Variants in IRS2 observed in about 807,000 individuals in gnomAD.
The protein encoded by IRS2 is insulin receptor substrate 2.
IRS2 carries 28 observed loss-of-function variants against 70.9 expected under a neutral mutation model. The ratio of observed to expected loss-of-function variants is 0.39; its 90% CI spans 0.29 to 0.54. The LOEUF is 0.54. IRS2 is among the 20% of genes least tolerant of loss of function. The pLI, the probability that IRS2 is intolerant of heterozygous loss-of-function variation, is 0.59. For missense variants in IRS2, 2,081 were observed against 2,024.1 expected, an observed-to-expected ratio of 1.03 and a Z score of -0.54; for synonymous variants, 1,217 against 981.9, an observed-to-expected ratio of 1.24 and a Z score of -4.48.
rs1447120781 is a variant in IRS2 at position 109,785,418 on chromosome 13, G to T, written c.636C>A (p.Asn212Lys). 1.2e-6 allele frequency: 2 copies of T among 1,612,266 alleles called. No homozygotes were observed. The highest frequency in any genetic ancestry group is 8.5e-7 in the Non-Finnish European group (1 of 1,179,862). Residue 212 changes from asparagine to lysine, a missense_variant, in exon 1 of 2, where the codon AAC (asparagine) becomes AAA (lysine). Physicochemically the swap from Asn to Lys is moderately conservative, Grantham distance 94. Coordinates refer to ENST00000375856, the MANE Select transcript of IRS2 (RefSeq NM_003749.3). The surrounding 1 kb of genome is among the most constrained non-coding windows in gnomAD (Gnocchi z 9.3). Reference sequence around the variant, plus strand: ...GGCACAGACGGTACACCCCCGTCAGGTTCTTGCTCTGGCCCAGACCCTTGG... The same window carrying T: ...GGCACAGACGGTACACCCCCGTCAGTTTCTTGCTCTGGCCCAGACCCTTGG... ...LKPKGLGQSK[N>K]LTGVYRLCLS...
chr13:109,783,798 G>A lies in IRS2; in HGVS notation c.2256C>T (p.Ser752=), dbSNP rs1298073679. ...GCAGCTTGCCATCTGCATGCTCCATGGACAGCTTGGAACCGCACCACATGC... is the reference window on the plus strand; with the variant it reads ...GCAGCTTGCCATCTGCATGCTCCATAGACAGCTTGGAACCGCACCACATGC... The part of the protein sequence containing the change: ...YMRMWCGSKL[S]MEHADGKLLP... Residue 752 remains serine (S), a synonymous_variant, in exon 1 of 2, where the codon TCC becomes TCT. Transcript: ENST00000375856. 5 of 1,596,806 alleles carry A rather than the reference G, an allele frequency of 3.1e-6. No individual in the cohort carries two copies. In the East Asian group the frequency reaches 6.8e-5, roughly 22 times the overall value.
At chr13:109,768,969 T>C (rs1877394631) in intron 1 of IRS2, among the ~76,000 whole-genome samples, 1 of 152,224 alleles carries the variant, frequency 6.6e-6, no homozygotes, top group South Asian at 2.1e-4. Flanking sequence ...TTTAAATGTC[T>C]TATGAATTAT....
chr13:109,782,086 A>G lies in IRS2; in HGVS notation c.3968T>C (p.Ile1323Thr). ...CTTCAAGTGGTGGGACAAGAAGTCA[A>G]TGCTGGCGTAGGTGTTGGCAGGGGG... is the stretch of plus-strand genomic sequence containing the variant. ...ALPPANTYAS[I>T]DFLSHHLKEA... is the part of the protein sequence containing the mutation. Residue 1323 changes from isoleucine to threonine, a missense_variant, in exon 1 of 2, where the codon ATT becomes ACT. This residue lies in a region of IRS2 where 1,615 missense variants were observed against 1,459.5 expected (regional missense o/e 1.11). Coordinates refer to ENST00000375856, the MANE Select transcript of IRS2 (RefSeq NM_003749.3). 1 of 1,612,426 alleles carries G rather than the reference A, an allele frequency of 6.2e-7. No individual in the cohort carries two copies. Among genetic ancestry groups the G allele is most frequent in the Non-Finnish European group, 8.5e-7 (1 of 1,179,828 alleles).
rs199869421 is a variant in IRS2 at position 109,765,845 on chromosome 13, C to G, written c.4013-9537G>C. The stretch of plus-strand genomic sequence containing the variant: ...CTCATCCACCCTGACTCCAACTCCC[C>G]ACCAAGCATGTAGATATCCCAGCCT... On this transcript the variant is annotated intron_variant, in intron 1 of 1. Coordinates refer to ENST00000375856, the MANE Select transcript of IRS2 (RefSeq NM_003749.3). Among the ~76,000 whole-genome samples, 37 of 66,652 alleles carry G rather than the reference C, an allele frequency of 5.6e-4. 1 individual carries two copies. In the East Asian group the frequency reaches 0.023, roughly 41 times the overall value. The allele number at this position is 66,652 out of a possible 152,430, so 43.7% of individuals were successfully genotyped here.
At chr13:109,774,832 C>T (rs4771646) in intron 1 of IRS2, among the ~76,000 whole-genome samples, 50,323 of 151,990 alleles carry the variant, frequency 0.33, 8,462 homozygotes, top group Middle Eastern at 0.48. Flanking sequence ...GAAAAACACC[C>T]TTTGAATTTT....
intron 1 of IRS2, among the ~76,000 whole-genome samples, chr13:109,780,501 C>T (rs1244231822): frequency 4.6e-5 from 7 of 152,298 alleles, no homozygotes; most frequent in African/African-American, 1.4e-4. Flanking sequence ...TTCTAGTATA[C>T]GGTTTTAATA....
rs1201875119 is a variant in IRS2 at position 109,753,385 on chromosome 13, G to C, written c.*2919C>G. ...ATCAGGAAGGGAGCACTAAGCAGAG[G>C]TGCATAAGCAGATTCTGGACTGCAG... On this transcript the variant is annotated 3_prime_UTR_variant, in exon 2 of 2. Transcript: ENST00000375856. 1 of 152,310 alleles carries C rather than the reference G, an allele frequency of 6.6e-6. No individual in the cohort carries two copies. Among genetic ancestry groups the C allele is most frequent in the East Asian group, 1.9e-4 (1 of 5,194 alleles). 9.4% of individuals were successfully genotyped at this position (152,310 alleles called of 1,614,324 possible).
chr13:109,783,431 C>T lies in IRS2; in HGVS notation c.2623G>A (p.Gly875Ser), dbSNP rs746678031. ...VVPSPVRPSG[G>S]RPEGFLGQRG... is the part of the protein sequence containing the mutation. ...TGGCCCAAGAAGCCCTCCGGGCGGCCGCCGCTAGGCCGCACGGGCGAAGGC... is the reference window on the plus strand; with the variant it reads ...TGGCCCAAGAAGCCCTCCGGGCGGCTGCCGCTAGGCCGCACGGGCGAAGGC... The change falls in exon 1 of 2, where the codon GGC becomes AGC. Residue 875 changes from glycine (G) to serine (S), a missense_variant. Gly to Ser is a moderately conservative substitution (Grantham distance 56, BLOSUM62 0). Around this residue, in one of 4 missense-constraint regions of IRS2, gnomAD observed 1,615 missense variants for 1,459.5 expected, o/e 1.11. Coordinates refer to ENST00000375856, the MANE Select transcript of IRS2 (RefSeq NM_003749.3). The T allele has an allele frequency of 6.7e-7, 1 of 1,496,434 alleles. No individual in the cohort carries two copies. The highest frequency in any genetic ancestry group is 8.8e-7 in the Non-Finnish European group (1 of 1,131,356). The allele number at this position is 1,496,434 out of a possible 1,614,324, so 92.7% of individuals were successfully genotyped here. A position where few individuals can be genotyped will look rare whatever the true frequency, so the allele number is the denominator to read the frequency against.
Position 109,782,616 on chromosome 13 carries a change from G to C in IRS2, c.3438C>G (p.Arg1146=), listed in dbSNP as rs1223350759. 2 of 1,577,422 alleles carry C rather than the reference G, an allele frequency of 1.3e-6. No homozygotes were observed. The highest frequency in any genetic ancestry group is 1.7e-6 in the Non-Finnish European group (2 of 1,163,080). The change falls in exon 1 of 2, where the codon CGC becomes CGG. Residue 1146 remains arginine, a synonymous_variant. Transcript: ENST00000375856. The part of the protein sequence containing the change: ...IRADPQGGRR[R]HSSETFSSTT... The stretch of plus-strand genomic sequence containing the variant: ...TGGAGGAGAAGGTCTCGGAACTGTG[G>C]CGGCGGCGGCCCCCCTGCGGGTCTG...
intron 1 of IRS2, among the ~76,000 whole-genome samples, chr13:109,778,540 G>A (rs1877629072): frequency 6.6e-6 from 1 of 152,174 alleles, no homozygotes; most frequent in African/African-American, 2.4e-5. Flanking sequence ...ACCCGCCACA[G>A]CAAACAGAAA....
In IRS2 at chr13:109,753,601, ACT is replaced by A. The variant is rs1877040591; in HGVS notation, c.*2701_*2702del. The A allele has an allele frequency of 6.0e-6, 1 of 165,464 alleles. No homozygotes were observed. Among genetic ancestry groups the A allele is most frequent in the Admixed American group, 6.4e-5 (1 of 15,576 alleles). The allele number at this position is 165,464 out of a possible 1,614,324, so 10.2% of individuals were successfully genotyped here. On this transcript the variant is annotated 3_prime_UTR_variant, in exon 2 of 2. Transcript: ENST00000375856. ...GAATGGCATCCAGCACGTCATAAGG[ACT>A]CTGTTTTGTAGAGTACATCGAATGT...
chr13:109,784,835 C>T lies in IRS2; in HGVS notation c.1219G>A (p.Gly407Ser), dbSNP rs1396053058. Reference protein sequence around the residue: ...APLSRSHTLSGGCGGRGSKVA... With the variant: ...APLSRSHTLSSGCGGRGSKVA... ...TTGCTCCCGCGGCCGCCGCAGCCGCCGCTCAGGGTGTGCGAGCGGCTCAGG... is the reference window on the plus strand; with the variant it reads ...TTGCTCCCGCGGCCGCCGCAGCCGCTGCTCAGGGTGTGCGAGCGGCTCAGG... The change falls in exon 1 of 2, where the codon GGC (glycine) becomes AGC (serine). Residue 407 changes from glycine (G) to serine (S), a missense_variant. Gly to Ser is a moderately conservative substitution (Grantham distance 56). Around this residue, in one of 4 missense-constraint regions of IRS2, gnomAD observed 1,615 missense variants for 1,459.5 expected, o/e 1.11. Coordinates refer to ENST00000375856, the MANE Select transcript of IRS2 (RefSeq NM_003749.3). The surrounding 1 kb of genome is among the most constrained non-coding windows in gnomAD (Gnocchi z 5.2). 2.4e-6 allele frequency: 3 copies of T among 1,249,580 alleles called. No homozygotes were observed. Among genetic ancestry groups the T allele is most frequent in the East Asian group, 7.6e-5 (2 of 26,416 alleles). 77.4% of individuals were successfully genotyped at this position (1,249,580 alleles called of 1,614,324 possible).
At chr13:109,764,431 G>A (rs1877291763) in intron 1 of IRS2, among the ~76,000 whole-genome samples, 1 of 152,152 alleles carries the variant, frequency 6.6e-6, no homozygotes, top group South Asian at 2.1e-4. Flanking sequence ...TGGAGTCACA[G>A]GGAACCTGTC....
intron 1 of IRS2, among the ~76,000 whole-genome samples, chr13:109,770,364 G>A (rs1877425070): frequency 6.6e-6 from 1 of 152,230 alleles, no homozygotes; most frequent in African/African-American, 2.4e-5. Flanking sequence ...TGAAGTACCA[G>A]GAGAGCTTGG....
intron 1 of IRS2, among the ~76,000 whole-genome samples, chr13:109,762,291 T>C (rs1255252399): frequency 6.6e-6 from 1 of 152,208 alleles, no homozygotes; most frequent in Non-Finnish European, 1.5e-5. Context: ...CACAAACACC[T>C]GAGATACAAA....
rs765493638 is a variant in IRS2 at position 109,782,952 on chromosome 13, CGGT to C, written c.3099_3101del (p.Pro1036del). On this transcript the variant is annotated inframe_deletion, in exon 1 of 2. Coordinates refer to ENST00000375856, the MANE Select transcript of IRS2 (RefSeq NM_003749.3). ...GGTACAGCTCCCCCGGGGCCGGCGG[CGGT>C]GGCGGCGGCTGCAGAGACGACGACG... 1.4e-4 allele frequency: 199 copies of C among 1,415,532 alleles called. 1 individual carries two copies. Among genetic ancestry groups the C allele is most frequent in the South Asian group, 3.9e-4 (25 of 64,242 alleles). 87.7% of individuals were successfully genotyped at this position (1,415,532 alleles called of 1,614,324 possible).
Position 109,782,759 on chromosome 13 carries a change from C to T in IRS2, c.3295G>A (p.Ala1099Thr), listed in dbSNP as rs1877751203. Residue 1099 changes from alanine (A) to threonine (T), a missense_variant, in exon 1 of 2, where the codon GCC becomes ACC. Transcript: ENST00000375856. ...CTCTTCACGCCCGACGTCGGGCTGGCCACGCGGGCAGCTTCTGGCTTCGGG... is the reference window on the plus strand; with the variant it reads ...CTCTTCACGCCCGACGTCGGGCTGGTCACGCGGGCAGCTTCTGGCTTCGGG... ...APPKPEAARV[A>T]SPTSGVKRLS... is the part of the protein sequence containing the mutation. The T allele has an allele frequency of 6.2e-7, 1 of 1,601,560 alleles. No homozygotes were observed.
rs532810290 is a variant in IRS2 at position 109,785,969 on chromosome 13, G to GGTTGTT, written c.79_84dup (p.Asn27_Asn28dup). On this transcript the variant is annotated inframe_insertion, in exon 1 of 2. Coordinates refer to ENST00000375856, the MANE Select transcript of IRS2 (RefSeq NM_003749.3). The surrounding 1 kb of genome is among the most constrained non-coding windows in gnomAD (Gnocchi z 9.3). Reference sequence around the variant, plus strand: ...AGGTAGCCGCACTTGCGCACGCTGTGGTTGTTGTTGTTGTTGTTGTTGTTG... The same window carrying GGTTGTT: ...AGGTAGCCGCACTTGCGCACGCTGTGGTTGTTGTTGTTGTTGTTGTTGTTGTTGTTG... 7.0e-5 allele frequency: 105 copies of GGTTGTT among 1,491,030 alleles called. No homozygotes were observed. Among genetic ancestry groups the GGTTGTT allele is most frequent in the South Asian group, 1.9e-4 (15 of 79,470 alleles). 92.4% of individuals were successfully genotyped at this position (1,491,030 alleles called of 1,614,324 possible). A position where few individuals can be genotyped will look rare whatever the true frequency, so the allele number is the denominator to read the frequency against.
Position 109,782,444 on chromosome 13 carries a change from G to T in IRS2, c.3610C>A (p.Pro1204Thr), listed in dbSNP as rs1273138872. 1.3e-6 allele frequency: 2 copies of T among 1,583,144 alleles called. No individual in the cohort carries two copies. Among genetic ancestry groups the T allele is most frequent in the African/African-American group, 2.7e-5 (2 of 74,034 alleles). Reference protein sequence around the residue: ...PGGGDEPPTSPRQLQPAPPLA... With the variant: ...PGGGDEPPTSTRQLQPAPPLA... ...GGGGGCGCCGGCTGCAACTGTCGTG[G>T]GGAGGTGGGCGGCTCGTCGCCCCCT... is the stretch of plus-strand genomic sequence containing the variant. The change falls in exon 1 of 2, where the codon CCA (proline) becomes ACA (threonine). Residue 1204 changes from proline to threonine, a missense_variant. Coordinates refer to ENST00000375856, the MANE Select transcript of IRS2 (RefSeq NM_003749.3).
Sources: allele counts gnomAD v4.1 joint callset (sites outside exome capture counted in the v4.1 genomes callset), GRCh38; gene constraint gnomAD v4.1.1; regional missense constraint gnomAD v4.1.1; non-coding constraint Gnocchi (gnomAD v3.1); transcripts MANE v1.5; gene names NCBI Gene and HGNC (gene_info 2026-07-23, HGNC 2026-07-21).